The following SHISA8 variants were observed in gnomAD, a reference collection of about 807,000 sequenced individuals.
SHISA8 encodes the protein protein shisa-8.
In SHISA8, 21 loss-of-function variants were observed where a neutral mutation model predicts 21.1. The observed-to-expected ratio is 0.99, with a 90% confidence interval of 0.71 to 1.43. The LOEUF is 1.43. Ranked by LOEUF, SHISA8 falls within the 40% of genes most tolerant of loss-of-function variation. SHISA8 has a pLI of 0.00. For synonymous variants in SHISA8, 300 were observed against 291.4 expected (o/e 1.03, Z -0.30); for missense variants, 535 against 599.1 (o/e 0.89, Z 1.12).
Position 41,910,565 on chromosome 22 carries a change from G to T in SHISA8, c.665-11C>A. The T allele has an allele frequency of 8.2e-7, 1 of 1,224,480 alleles. No homozygotes were observed. The allele number at this position is 1,224,480 out of a possible 1,614,324, so 75.9% of individuals were successfully genotyped here. On this transcript the variant is annotated splice_polypyrimidine_tract_variant and intron_variant, in intron 2 of 3. Coordinates refer to ENST00000621082, the MANE Select transcript of SHISA8 (RefSeq NM_001207020.3). The surrounding 1 kb of genome is among the most constrained non-coding windows in gnomAD (Gnocchi z 6.8). Reference sequence around the variant, plus strand: ...TGAGGCGCTTCTTGTCTGGAGCGAGGAGTGAGACGCGGCTCGGTCCGATGC... The same window carrying T: ...TGAGGCGCTTCTTGTCTGGAGCGAGTAGTGAGACGCGGCTCGGTCCGATGC...
rs1602361643 is a variant in SHISA8 at position 41,909,882 on chromosome 22, G to A, written c.1077C>T (p.Arg359=). 2.5e-5 allele frequency: 38 copies of A among 1,529,350 alleles called. No individual in the cohort carries two copies. Among genetic ancestry groups the A allele is most frequent in the Non-Finnish European group, 3.3e-5 (38 of 1,144,024 alleles). The allele number at this position is 1,529,350 out of a possible 1,614,324, so 94.7% of individuals were successfully genotyped here. A position where few individuals can be genotyped will look rare whatever the true frequency, so the allele number is the denominator to read the frequency against. The change falls in exon 4 of 4, where the codon CGC becomes CGT. Residue 359 remains arginine, a synonymous_variant. Coordinates refer to ENST00000621082, the MANE Select transcript of SHISA8 (RefSeq NM_001207020.3). ...VPRRPGHAAR[R]QFSVKMPETF... ...TCTCAGGCATCTTCACACTGAACTG[G>A]CGCCGGGCCGCGTGCCCGGGTCGCC...
chr22:41,910,263 G>C lies in SHISA8; in HGVS notation c.812-116C>G. On this transcript the variant is annotated intron_variant, in intron 3 of 3. Coordinates refer to ENST00000621082, the MANE Select transcript of SHISA8 (RefSeq NM_001207020.3). This position sits in a 1 kb window ranked among gnomAD's most constrained non-coding sequence, Gnocchi z 6.8. Reference sequence around the variant, plus strand: ...ACCGGGCCGGGGCGGGCCGGGGGCGGGGCCCGCTGGGGCGAGGGAGCCGAT... The same window carrying C: ...ACCGGGCCGGGGCGGGCCGGGGGCGCGGCCCGCTGGGGCGAGGGAGCCGAT... The C allele has an allele frequency of 8.2e-7, 1 of 1,225,168 alleles. No homozygotes were observed. Among genetic ancestry groups the C allele is most frequent in the Non-Finnish European group, 1.0e-6 (1 of 981,982 alleles). 75.9% of individuals were successfully genotyped at this position (1,225,168 alleles called of 1,614,324 possible). A position where few individuals can be genotyped will look rare whatever the true frequency, so the allele number is the denominator to read the frequency against.
At position 41,915,054 on chromosome 22, in the gene SHISA8, T is replaced by G. The variant is rs140649172; in HGVS notation, c.-387A>C. ...CGACTGCGCTACCTTCCCGCCGCGC[T>G]CTCAGTACAGCCCGCGCTCTGGCTC... On this transcript the variant is annotated 5_prime_UTR_variant, in exon 1 of 4. Coordinates refer to ENST00000621082, the MANE Select transcript of SHISA8 (RefSeq NM_001207020.3). This position sits in a 1 kb window ranked among gnomAD's most constrained non-coding sequence, Gnocchi z 5.0. Among the ~76,000 whole-genome samples, 21,668 of 151,658 alleles carry G rather than the reference T, an allele frequency of 0.14. 2,386 individuals are homozygous for G. Among genetic ancestry groups the G allele is most frequent in the African/African-American group, 0.31 (12,824 of 41,342 alleles).
Position 41,914,361 on chromosome 22 carries a change from G to A in SHISA8, c.307C>T (p.Gln103Ter). ...CCHDGPRRLD[Q>*]SRCSNYDTPA... ...GTGTCGTAGTTGGAACAGCGGCTCT[G>A]GTCGAGGCGCCGCGGCCCGTCGTGG... The change falls in exon 1 of 4, where the codon CAG (glutamine) becomes TAG (stop). Residue 103 changes from glutamine to a stop codon, truncating the protein, a stop_gained. Coordinates refer to ENST00000621082, the MANE Select transcript of SHISA8 (RefSeq NM_001207020.3). LOFTEE classifies it high-confidence loss of function. This position sits in a 1 kb window ranked among gnomAD's most constrained non-coding sequence, Gnocchi z 6.8. 1 of 1,284,266 alleles carries A rather than the reference G, an allele frequency of 7.8e-7. No individual in the cohort carries two copies. Among genetic ancestry groups the A allele is most frequent in the Non-Finnish European group, 9.9e-7 (1 of 1,014,826 alleles). The allele number at this position is 1,284,266 out of a possible 1,614,324, so 79.6% of individuals were successfully genotyped here.
Position 41,910,217 on chromosome 22 carries a change from C to CG in SHISA8, c.812-71dup. 1 of 1,223,444 alleles carries CG rather than the reference C, an allele frequency of 8.2e-7. No homozygotes were observed. Among genetic ancestry groups the CG allele is most frequent in the Non-Finnish European group, 1.0e-6 (1 of 983,136 alleles). 75.8% of individuals were successfully genotyped at this position (1,223,444 alleles called of 1,614,324 possible). On this transcript the variant is annotated intron_variant, in intron 3 of 3. Coordinates refer to ENST00000621082, the MANE Select transcript of SHISA8 (RefSeq NM_001207020.3). The surrounding 1 kb of genome is among the most constrained non-coding windows in gnomAD (Gnocchi z 6.8). ...AAGCTCAGGACTGGACAAGGGGTCCCGGCCGGGGACTGGGACGGGGACCGG... is the reference window on the plus strand; with the variant it reads ...AAGCTCAGGACTGGACAAGGGGTCCCGGGCCGGGGACTGGGACGGGGACCGG...
chr22:41,914,159 C>G lies in SHISA8; in HGVS notation c.509G>C (p.Arg170Pro), dbSNP rs1317426894. ...TCACCTGGTCACTGTGCGCCGCGCG[C>G]GCGGGCTGTGCGCCCTCTCCAGTCC... ...RLGLERAHSP[R>P]ARRTVTRALT... Residue 170 changes from arginine to proline, a missense_variant, in exon 1 of 4, where the codon CGC becomes CCC. Coordinates refer to ENST00000621082, the MANE Select transcript of SHISA8 (RefSeq NM_001207020.3). This position sits in a 1 kb window ranked among gnomAD's most constrained non-coding sequence, Gnocchi z 6.8. The G allele has an allele frequency of 6.9e-7, 1 of 1,446,946 alleles. No homozygotes were observed. The highest frequency in any genetic ancestry group is 1.5e-5 in the African/African-American group (1 of 66,772). The allele number at this position is 1,446,946 out of a possible 1,614,324, so 89.6% of individuals were successfully genotyped here. A position where few individuals can be genotyped will look rare whatever the true frequency, so the allele number is the denominator to read the frequency against.
chr22:41,914,270 G>T lies in SHISA8; in HGVS notation c.398C>A (p.Pro133His). ...RARDTAAPRD[P>H]GRERSHTAVY... ...GGCCGTATGGCTGCGCTCGCGGCCGGGGTCCCGGGGCGCTGCGGTGTCGCG... is the reference window on the plus strand; with the variant it reads ...GGCCGTATGGCTGCGCTCGCGGCCGTGGTCCCGGGGCGCTGCGGTGTCGCG... Residue 133 changes from proline (P) to histidine (H), a missense_variant, in exon 1 of 4, where the codon CCC (proline) becomes CAC (histidine). Transcript: ENST00000621082. This position sits in a 1 kb window ranked among gnomAD's most constrained non-coding sequence, Gnocchi z 6.8. 7.8e-7 allele frequency: 1 copy of T among 1,282,268 alleles called. No homozygotes were observed. Among genetic ancestry groups the T allele is most frequent in the Non-Finnish European group, 9.8e-7 (1 of 1,019,698 alleles). The allele number at this position is 1,282,268 out of a possible 1,614,324, so 79.4% of individuals were successfully genotyped here.
rs982066100 is a variant in SHISA8 at position 41,909,945 on chromosome 22, C to A, written c.1014G>T (p.Pro338=). ...AGGCCCGAGCCGTCGGGTGGCTGAG[C>A]GGGGCGGGCCGGGCCGGGCGACTGG... ...WTSSRPARPA[P]LSHPTARAFQ... Residue 338 remains proline, a synonymous_variant, in exon 4 of 4, where the codon CCG becomes CCT. Transcript: ENST00000621082. The A allele has an allele frequency of 6.7e-7, 1 of 1,491,622 alleles. No homozygotes were observed. The highest frequency in any genetic ancestry group is 2.7e-5 in the East Asian group (1 of 36,754). 92.4% of individuals were successfully genotyped at this position (1,491,622 alleles called of 1,614,324 possible). A position where few individuals can be genotyped will look rare whatever the true frequency, so the allele number is the denominator to read the frequency against.
At position 41,910,215 on chromosome 22, in the gene SHISA8, C is replaced by T; in HGVS notation, c.812-68G>A. The T allele has an allele frequency of 8.1e-7, 1 of 1,227,326 alleles. No individual in the cohort carries two copies. Among genetic ancestry groups the T allele is most frequent in the Non-Finnish European group, 1.0e-6 (1 of 985,240 alleles). The allele number at this position is 1,227,326 out of a possible 1,614,324, so 76.0% of individuals were successfully genotyped here. A position where few individuals can be genotyped will look rare whatever the true frequency, so the allele number is the denominator to read the frequency against. ...CCAAGCTCAGGACTGGACAAGGGGT[C>T]CCGGCCGGGGACTGGGACGGGGACC... On this transcript the variant is annotated intron_variant, in intron 3 of 3. Coordinates refer to ENST00000621082, the MANE Select transcript of SHISA8 (RefSeq NM_001207020.3). The surrounding 1 kb of genome is among the most constrained non-coding windows in gnomAD (Gnocchi z 6.8).
Position 41,910,659 on chromosome 22 carries a change from G to T in SHISA8, c.665-105C>A. 1 of 1,171,882 alleles carries T rather than the reference G, an allele frequency of 8.5e-7. No individual in the cohort carries two copies. The highest frequency in any genetic ancestry group is 1.1e-6 in the Non-Finnish European group (1 of 940,578). The allele number at this position is 1,171,882 out of a possible 1,614,324, so 72.6% of individuals were successfully genotyped here. ...CCCCGAGGCCGTTCGGTGAGAACCTGGGGGACCGTTCTCCGGGCGAGGCTG... is the reference window on the plus strand; with the variant it reads ...CCCCGAGGCCGTTCGGTGAGAACCTTGGGGACCGTTCTCCGGGCGAGGCTG... On this transcript the variant is annotated intron_variant, in intron 2 of 3. Transcript: ENST00000621082. The surrounding 1 kb of genome is among the most constrained non-coding windows in gnomAD (Gnocchi z 6.8).
Position 41,914,521 on chromosome 22 carries a change from G to T in SHISA8, c.147C>A (p.Pro49=). The T allele has an allele frequency of 2.5e-6, 3 of 1,220,940 alleles. No homozygotes were observed. The highest frequency in any genetic ancestry group is 2.0e-6 in the Non-Finnish European group (2 of 980,824). The allele number at this position is 1,220,940 out of a possible 1,614,324, so 75.6% of individuals were successfully genotyped here. ...GAPEAQGPAA[P]GTTAPEGGDR... is the part of the protein sequence containing the mutation. ...CGCCCCCCTCCGGGGCTGTCGTGCC[G>T]GGCGCCGCGGGACCCTGCGCCTCGG... The change falls in exon 1 of 4, where the codon CCC becomes CCA. Residue 49 remains proline (P), a synonymous_variant. Coordinates refer to ENST00000621082, the MANE Select transcript of SHISA8 (RefSeq NM_001207020.3). The surrounding 1 kb of genome is among the most constrained non-coding windows in gnomAD (Gnocchi z 6.8).
intron 2 of SHISA8, 60 bp downstream of exon 2, chr22:41,911,156 G>T (rs2077550689): frequency 1.6e-6 from 2 of 1,251,300 alleles, no homozygotes; most frequent in South Asian, 6.5e-5. Flanking sequence ...ACCGCCTCTC[G>T]GCCTCTCACG....
intron 1 of SHISA8, among the ~76,000 whole-genome samples, chr22:41,913,451 G>A (rs1482859150): frequency 3.3e-5 from 5 of 152,206 alleles, no homozygotes; most frequent in East Asian, 1.9e-4. Context: ...TAGAGTCCTC[G>A]TTCCAACCGA....
At chr22:41,913,186 G>A (rs569734123) in intron 1 of SHISA8, among the ~76,000 whole-genome samples, 1 of 152,352 alleles carries the variant, frequency 6.6e-6, no homozygotes, top group South Asian at 2.1e-4. Context: ...TGCCAAGGAA[G>A]CCCTCACCCC....
Position 41,910,079 on chromosome 22 carries a change from G to C in SHISA8, c.880C>G (p.Arg294Gly). The C allele has an allele frequency of 8.1e-7, 1 of 1,239,832 alleles. No individual in the cohort carries two copies. Among genetic ancestry groups the C allele is most frequent in the Non-Finnish European group, 1.0e-6 (1 of 995,010 alleles). 76.8% of individuals were successfully genotyped at this position (1,239,832 alleles called of 1,614,324 possible). A position where few individuals can be genotyped will look rare whatever the true frequency, so the allele number is the denominator to read the frequency against. Residue 294 changes from arginine to glycine, a missense_variant, in exon 4 of 4, where the codon CGG becomes GGG. Arg to Gly is a moderately radical substitution (Grantham distance 125, BLOSUM62 -2). Transcript: ENST00000621082. The surrounding 1 kb of genome is among the most constrained non-coding windows in gnomAD (Gnocchi z 6.8). Reference sequence around the variant, plus strand: ...AAGTCCGGGGATGGTCGCGGAGCCCGCGCCGGGGGTTGCCGCGGGGACGGC... The same window carrying C: ...AAGTCCGGGGATGGTCGCGGAGCCCCCGCCGGGGGTTGCCGCGGGGACGGC... ...LEPSPRQPPA[R>G]APRPSPDLPA... is the part of the protein sequence containing the mutation.
chr22:41,910,071 CG>C lies in SHISA8; in HGVS notation c.887del (p.Pro296ArgfsTer68). On this transcript the variant is annotated frameshift_variant, in exon 4 of 4. Transcript: ENST00000621082. LOFTEE classifies it low-confidence loss of function (END_TRUNC). This position sits in a 1 kb window ranked among gnomAD's most constrained non-coding sequence, Gnocchi z 6.8. ...PSPRQPPARAPRPSPDLPAPL... is the reference protein window; with the variant it reads ...PSPRQPPARAXRPSPDLPAPL... ...GCGCAGGCAAGTCCGGGGATGGTCGCGGAGCCCGCGCCGGGGGTTGCCGCGG... is the reference window on the plus strand; with the variant it reads ...GCGCAGGCAAGTCCGGGGATGGTCGCGAGCCCGCGCCGGGGGTTGCCGCGG... 1 of 1,240,458 alleles carries C rather than the reference CG, an allele frequency of 8.1e-7. No homozygotes were observed. Among genetic ancestry groups the C allele is most frequent in the East Asian group, 3.2e-5 (1 of 31,232 alleles). The allele number at this position is 1,240,458 out of a possible 1,614,324, so 76.8% of individuals were successfully genotyped here.
In SHISA8 at chr22:41,910,297, C is replaced by T. The variant is rs893107909; in HGVS notation, c.811+111G>A. ...GGGGCGAGGGAGCCGATTGGCCGAG[C>T]GGCGGGCGCGCGGAACTGGGAATTT... On this transcript the variant is annotated intron_variant, in intron 3 of 3. Transcript: ENST00000621082. This position sits in a 1 kb window ranked among gnomAD's most constrained non-coding sequence, Gnocchi z 6.8. The T allele has an allele frequency of 2.0e-5, 25 of 1,234,628 alleles. No homozygotes were observed. The highest frequency in any genetic ancestry group is 3.3e-5 in the East Asian group (1 of 30,504). The allele number at this position is 1,234,628 out of a possible 1,614,324, so 76.5% of individuals were successfully genotyped here. A position where few individuals can be genotyped will look rare whatever the true frequency, so the allele number is the denominator to read the frequency against.
rs2077536448 is a variant in SHISA8, at chr22:41,909,943, A to AGCGGG, written c.1011_1015dup (p.Leu339ProfsTer27). 3 of 1,514,690 alleles carry AGCGGG rather than the reference A, an allele frequency of 2.0e-6. No individual in the cohort carries two copies. The highest frequency in any genetic ancestry group is 2.6e-5 in the East Asian group (1 of 38,760). The allele number at this position is 1,514,690 out of a possible 1,614,324, so 93.8% of individuals were successfully genotyped here. On this transcript the variant is annotated frameshift_variant, in exon 4 of 4. Transcript: ENST00000621082. LOFTEE classifies it low-confidence loss of function (END_TRUNC). ...GAAGGCCCGAGCCGTCGGGTGGCTG[A>AGCGGG]GCGGGGCGGGCCGGGCCGGGCGACT...
chr22:41,913,222 A>G lies in SHISA8; in HGVS notation c.530+916T>C, dbSNP rs146701534. Among the ~76,000 whole-genome samples the G allele has an allele frequency of 4.0e-4, 61 of 152,356 alleles. No homozygotes were observed. In the East Asian group the frequency reaches 0.012, roughly 29 times the overall value. Reference sequence around the variant, plus strand: ...CTGCCTCTGAGGCCCAGGAGGGGGAAGTGTCCACATCTGGCCTGCCAGGGT... The same window carrying G: ...CTGCCTCTGAGGCCCAGGAGGGGGAGGTGTCCACATCTGGCCTGCCAGGGT... On this transcript the variant is annotated intron_variant, in intron 1 of 3. Transcript: ENST00000621082.
Sources: allele counts gnomAD v4.1 joint callset (sites outside exome capture counted in the v4.1 genomes callset), GRCh38; gene constraint gnomAD v4.1.1; non-coding constraint Gnocchi (gnomAD v3.1); transcripts MANE v1.5; gene names NCBI Gene and HGNC (gene_info 2026-07-23, HGNC 2026-07-21).